The following SH3D19 variants were observed in gnomAD, a reference collection of about 807,000 sequenced individuals.
SH3D19 encodes SH3 domain-containing protein 19.
In SH3D19, 58 loss-of-function variants were observed where a neutral mutation model predicts 112.1. The ratio of observed to expected loss-of-function variants is 0.52; its 90% CI spans 0.42 to 0.64. The LOEUF is 0.64. Among genes scored for constraint, SH3D19 ranks in the 30% least tolerant of loss-of-function variants. The pLI is 0.00. For synonymous variants in SH3D19, 391 were observed against 448.5 expected (o/e 0.87, Z 1.62); for missense variants, 1,090 against 1,263.4 (o/e 0.86, Z 2.08).
Position 151,120,327 on chromosome 4 carries a change from C to T in SH3D19, c.*1764G>A, listed in dbSNP as rs1261008865. 2 of 152,102 alleles carry T rather than the reference C, an allele frequency of 1.3e-5. No individual in the cohort carries two copies. The highest frequency in any genetic ancestry group is 2.9e-5 in the Non-Finnish European group (2 of 67,962). The allele number at this position is 152,102 out of a possible 1,614,324, so 9.4% of individuals were successfully genotyped here. ...TTTATTACAGTGTCAAGTAGATTTA[C>T]AACTATTGCACTTATCATTCTGCTG... On this transcript the variant is annotated 3_prime_UTR_variant, in exon 20 of 20. Coordinates refer to ENST00000604030, the MANE Select transcript of SH3D19 (RefSeq NM_001378122.1).
At chr4:151,245,043 C>T (rs1367203796) in intron 1 of SH3D19, among the ~76,000 whole-genome samples, 1 of 151,936 alleles carries the variant, frequency 6.6e-6, no homozygotes, top group Non-Finnish European at 1.5e-5. Context: ...ATTCGGGAGG[C>T]TGAAGCAGGA....
intron 1 of SH3D19, among the ~76,000 whole-genome samples, chr4:151,287,341 CAA>C (rs34944826): frequency 7.2e-4 from 59 of 82,362 alleles, no homozygotes; most frequent in Admixed American, 1.1e-3. Flanking sequence ...ACTCTGTCTC[CAA>C]AAAAAAAAAA....
intron 2 of SH3D19, among the ~76,000 whole-genome samples, chr4:151,203,824 G>T (rs1764725971): frequency 6.6e-6 from 1 of 152,014 alleles, no homozygotes; most frequent in Admixed American, 6.6e-5. Context: ...ATTCAGCCTT[G>T]ATCATTTTAT....
In SH3D19 at chr4:151,128,250, C is replaced by G. The variant is rs765981469; in HGVS notation, c.2849G>C (p.Arg950Pro). Residue 950 changes from arginine (R) to proline (P), a missense_variant, in exon 18 of 20, where the codon CGT (arginine) becomes CCT (proline). Physicochemically the swap from Arg to Pro is moderately radical, Grantham distance 103. Coordinates refer to ENST00000604030, the MANE Select transcript of SH3D19 (RefSeq NM_001378122.1). ...KRGDRIQILE[R>P]LDSDWCRGRL... ...GCCCCTGCACCAGTCAGAATCCAGA[C>G]GTTCCAGAATCTGGATCCGGTCTCC... 1.3e-5 allele frequency: 21 copies of G among 1,613,992 alleles called. No homozygotes were observed. Among genetic ancestry groups the G allele is most frequent in the Non-Finnish European group, 1.7e-5 (20 of 1,179,982 alleles).
intron 1 of SH3D19, among the ~76,000 whole-genome samples, chr4:151,279,558 T>C (rs1773985479): frequency 1.3e-5 from 2 of 152,176 alleles, no homozygotes; most frequent in Non-Finnish European, 2.9e-5. Context: ...TGATACCCTA[T>C]TTCTTCCTTA....
intron 2 of SH3D19, among the ~76,000 whole-genome samples, chr4:151,219,319 C>A (rs1405783190): frequency 6.6e-6 from 1 of 152,088 alleles, no homozygotes; most frequent in Non-Finnish European, 1.5e-5. Context: ...CCCGATGTCT[C>A]CTCTCAGTAA....
chr4:151,129,705 C>T (rs529867211), intron 17 of SH3D19, among the ~76,000 whole-genome samples: 56 of 152,258 alleles, frequency 3.7e-4, no homozygotes, highest in African/African-American at 1.3e-3. Flanking sequence ...GGCAAGGTTT[C>T]CAGACCCAGT....
chr4:151,295,825 C>T (rs1050861977), intron 1 of SH3D19, among the ~76,000 whole-genome samples: 3 of 152,112 alleles, frequency 2.0e-5, no homozygotes, highest in Admixed American at 1.3e-4. Context: ...ATCACGAGGT[C>T]AGGAGATCAA....
At chr4:151,181,483 T>G (rs1760938685) in intron 3 of SH3D19, among the ~76,000 whole-genome samples, 1 of 152,132 alleles carries the variant, frequency 6.6e-6, no homozygotes, top group Admixed American at 6.5e-5. Context: ...TCAACTGGTT[T>G]GACTGACTAT....
chr4:151,143,784 A>G, intron 12 of SH3D19, 126 bp downstream of exon 12: 1 of 1,040,080 alleles, frequency 9.6e-7, no homozygotes, highest in Non-Finnish European at 1.4e-6. Flanking sequence ...AATAAATGCT[A>G]CTGTAATTTT....
rs5862951 is a variant in SH3D19, at chr4:151,199,018, C to CT, written c.153-11556dup. On this transcript the variant is annotated intron_variant, in intron 2 of 19. Transcript: ENST00000604030. The stretch of plus-strand genomic sequence containing the variant: ...TAGCAGCCTTCCCACCAGCTAACAT[C>CT]TTTTTTTTTTTTTTTTTGCAAAGCC... Among the ~76,000 whole-genome samples, 178 of 119,392 alleles carry CT rather than the reference C, an allele frequency of 1.5e-3. 1 individual carries two copies. Among genetic ancestry groups the CT allele is most frequent in the African/African-American group, 3.3e-3 (116 of 35,042 alleles). The allele number at this position is 119,392 out of a possible 152,430, so 78.3% of individuals were successfully genotyped here. A position where few individuals can be genotyped will look rare whatever the true frequency, so the allele number is the denominator to read the frequency against.
chr4:151,144,692 G>A (rs1198311241), intron 11 of SH3D19, among the ~76,000 whole-genome samples: 1 of 152,136 alleles, frequency 6.6e-6, no homozygotes, highest in African/African-American at 2.4e-5. Context: ...GGAGCCCTCC[G>A]TGTACTGCCT....
chr4:151,190,939 A>C (rs893475926), intron 2 of SH3D19, among the ~76,000 whole-genome samples: 2 of 152,208 alleles, frequency 1.3e-5, no homozygotes, highest in Admixed American at 6.5e-5. Flanking sequence ...CCAGCCGTGA[A>C]AGCAGCTGGT....
At chr4:151,237,542 T>TGTTG (rs1554060560) in intron 1 of SH3D19, among the ~76,000 whole-genome samples, 7 of 151,578 alleles carry the variant, frequency 4.6e-5, no homozygotes, top group Non-Finnish European at 5.9e-5. Flanking sequence ...TGTTTTGAGT[T>TGTTG]CTTCACTACT....
Position 151,287,265 on chromosome 4 carries a change from C to T in SH3D19, c.112+37976G>A, listed in dbSNP as rs922287544. On this transcript the variant is annotated intron_variant, in intron 1 of 19. Coordinates refer to ENST00000604030, the MANE Select transcript of SH3D19 (RefSeq NM_001378122.1). Reference sequence around the variant, plus strand: ...CTGAGGGAGGAGAATCACTTGAACCCGGGAGGCAGAGGTTTCAGTAAGTCA... The same window carrying T: ...CTGAGGGAGGAGAATCACTTGAACCTGGGAGGCAGAGGTTTCAGTAAGTCA... Among the ~76,000 whole-genome samples, 5 of 148,446 alleles carry T rather than the reference C, an allele frequency of 3.4e-5. No homozygotes were observed. The East Asian group carries it at 6.0e-4, about 18-fold the overall frequency.
At chr4:151,283,006 T>C in intron 1 of SH3D19, 2 of 885,580 alleles carry the variant, frequency 2.3e-6, no homozygotes, top group East Asian at 4.9e-5. Flanking sequence ...TGGAAAGGCA[T>C]TGTAAGCTGC....
chr4:151,185,534 C>A (rs1301913265), intron 3 of SH3D19, among the ~76,000 whole-genome samples: 1 of 152,146 alleles, frequency 6.6e-6, no homozygotes, highest in Non-Finnish European at 1.5e-5. Flanking sequence ...CGCCTGCCAC[C>A]CACAACCCAA....
At chr4:151,171,375 GAAAAACA>G (rs959520686) in intron 7 of SH3D19, among the ~76,000 whole-genome samples, 10 of 151,872 alleles carry the variant, frequency 6.6e-5, no homozygotes, top group Non-Finnish European at 1.3e-4. Context: ...TGCTTCTACA[GAAAAACA>G]AAAAACAAAA....
chr4:151,146,892 A>C (rs1444061484), intron 11 of SH3D19, among the ~76,000 whole-genome samples: 1 of 152,226 alleles, frequency 6.6e-6, no homozygotes, highest in Non-Finnish European at 1.5e-5. Context: ...TGAGAAAAAC[A>C]TTAAAAGAGA....
Sources: gnomAD v4.1 joint callset for allele counts (sites outside exome capture counted in the v4.1 genomes callset) on GRCh38, gnomAD v4.1.1 for gene constraint, MANE v1.5 for transcripts, NCBI Gene and HGNC (gene_info 2026-07-23, HGNC 2026-07-21) for gene names.